Variants in FRMD4A observed in about 807,000 individuals in gnomAD.
FRMD4A encodes FERM domain containing 4A.
A neutral mutation model predicts 129.1 loss-of-function variants in FRMD4A; 29 were observed. The ratio of observed to expected loss-of-function variants is 0.22; its 90% CI spans 0.17 to 0.31. The LOEUF (loss-of-function observed/expected upper bound fraction) is 0.31, where lower values mean the gene tolerates loss of function less well. Ranked by LOEUF, FRMD4A falls within the 10% of genes least tolerant of loss-of-function variation. FRMD4A has a pLI of 1.00. For missense variants in FRMD4A, 1,272 were observed against 1,375.8 expected (o/e 0.92, Z 1.19); for synonymous variants, 634 against 571.6 (o/e 1.11, Z -1.56).
At chr10:14,026,155 G>A (rs908707828) in intron 2 of FRMD4A, among the ~76,000 whole-genome samples, 1 of 152,082 alleles carries the variant, frequency 6.6e-6, no homozygotes, top group Non-Finnish European at 1.5e-5. Context: ...GAGATCGAGA[G>A]GGAAATATAA....
At chr10:13,746,502 A>G (rs947981892) in intron 9 of FRMD4A, among the ~76,000 whole-genome samples, 1 of 152,114 alleles carries the variant, frequency 6.6e-6, no homozygotes. Flanking sequence ...CCAGAGTTCA[A>G]TGCTGCTAAT....
chr10:13,723,425 T>C (rs1365442738), intron 12 of FRMD4A, among the ~76,000 whole-genome samples: 1 of 152,206 alleles, frequency 6.6e-6, no homozygotes, highest in African/African-American at 2.4e-5. Context: ...GAAAGTAGAA[T>C]GATGGTTCCC....
intron 2 of FRMD4A, among the ~76,000 whole-genome samples, chr10:14,287,052 T>C (rs757932850): frequency 1.3e-5 from 2 of 152,144 alleles, no homozygotes; most frequent in Non-Finnish European, 2.9e-5. Flanking sequence ...TCTAATAAAA[T>C]TGCAAAGCAG....
At chr10:14,063,736 A>G (rs934967433) in intron 2 of FRMD4A, among the ~76,000 whole-genome samples, 1 of 151,936 alleles carries the variant, frequency 6.6e-6, no homozygotes, top group African/African-American at 2.4e-5. Context: ...AAACCACACA[A>G]TCTTGTACGT....
intron 16 of FRMD4A, among the ~76,000 whole-genome samples, chr10:13,673,821 G>C (rs2083733444): frequency 7.9e-6 from 1 of 127,012 alleles, no homozygotes; most frequent in African/African-American, 3.1e-5. Flanking sequence ...TGTCACCCAA[G>C]CTGGAGTGCA....
chr10:13,740,624 C>T (rs751014722), intron 9 of FRMD4A, 47 bp from the exon 10 acceptor site: 2 of 957,266 alleles, frequency 2.1e-6, no homozygotes, highest in Non-Finnish European at 3.3e-6. Flanking sequence ...TCTAGGTCAA[C>T]AGCCAAGCTT....
intron 2 of FRMD4A, chr10:13,971,887 A>G: frequency 7.8e-7 from 1 of 1,282,598 alleles, no homozygotes; most frequent in Non-Finnish European, 1.0e-6. Flanking sequence ...TGCCAATGTC[A>G]GTAAGATTTA....
At chr10:13,691,026 C>T (rs1185519108) in intron 15 of FRMD4A, among the ~76,000 whole-genome samples, 4 of 152,278 alleles carry the variant, frequency 2.6e-5, no homozygotes, top group South Asian at 2.1e-4. Flanking sequence ...CTCACTCTGC[C>T]GCTCAGGCTG....
intron 2 of FRMD4A, among the ~76,000 whole-genome samples, chr10:13,922,891 T>A (rs1012990438): frequency 3.3e-5 from 5 of 152,180 alleles, no homozygotes; most frequent in African/African-American, 1.2e-4. Flanking sequence ...TTGTCTGCAA[T>A]AAATAGACTG....
At chr10:14,186,780 C>T (rs772565401) in intron 2 of FRMD4A, among the ~76,000 whole-genome samples, 20 of 152,100 alleles carry the variant, frequency 1.3e-4, no homozygotes, top group Non-Finnish European at 2.2e-4. Context: ...AAGATCATAG[C>T]TTTGACTGTT....
intron 2 of FRMD4A, among the ~76,000 whole-genome samples, chr10:13,884,186 A>ACACTCACACG (rs1332081638): frequency 9.1e-6 from 1 of 109,598 alleles, no homozygotes; most frequent in African/African-American, 3.6e-5. Flanking sequence ...TCACACACAC[A>ACACTCACACG]CACACACACT....
At chr10:13,905,913 A>G (rs1173858683) in intron 2 of FRMD4A, among the ~76,000 whole-genome samples, 1 of 152,216 alleles carries the variant, frequency 6.6e-6, no homozygotes, top group Non-Finnish European at 1.5e-5. Flanking sequence ...ACCTTGAGGA[A>G]AGAATTGGAA....
intron 15 of FRMD4A, chr10:13,685,184 G>A (rs1033876243): frequency 1.1e-5 from 11 of 984,794 alleles, no homozygotes; most frequent in Non-Finnish European, 1.3e-5. Flanking sequence ...CTTTTCATCA[G>A]GCTTAGAAAT....
chr10:13,796,218 C>A (rs1235781280), intron 5 of FRMD4A, among the ~76,000 whole-genome samples: 2 of 152,178 alleles, frequency 1.3e-5, no homozygotes, highest in Non-Finnish European at 2.9e-5. Flanking sequence ...AGATATGTGA[C>A]CCTCCCCAAA....
intron 2 of FRMD4A, among the ~76,000 whole-genome samples, chr10:13,905,272 T>C (rs1287051313): frequency 6.6e-6 from 1 of 152,190 alleles, no homozygotes; most frequent in African/African-American, 2.4e-5. Flanking sequence ...GATCTTGAAA[T>C]AGACATGCTT....
Position 14,281,967 on chromosome 10 carries a change from A to G in FRMD4A, c.45+48091T>C, listed in dbSNP as rs145109143. Among the ~76,000 whole-genome samples the G allele has an allele frequency of 1.6e-4, 25 of 152,316 alleles. No homozygotes were observed. The East Asian group carries it at 4.0e-3, about 25-fold the overall frequency. Reference sequence around the variant, plus strand: ...TTGGGTGATTTATAAAGAAAAAGAGATTTAATGGACTCACAGTTACACGTG... The same window carrying G: ...TTGGGTGATTTATAAAGAAAAAGAGGTTTAATGGACTCACAGTTACACGTG... On this transcript the variant is annotated intron_variant, in intron 2 of 24. Transcript: ENST00000357447.
intron 3 of FRMD4A, among the ~76,000 whole-genome samples, chr10:13,829,430 C>T (rs2093756037): frequency 6.6e-6 from 1 of 152,054 alleles, no homozygotes; most frequent in Non-Finnish European, 1.5e-5. Flanking sequence ...TTTGAGGCTG[C>T]TGTGAGCCAT....
chr10:14,296,766 AG>A (rs1846022649), intron 2 of FRMD4A, among the ~76,000 whole-genome samples: 1 of 152,138 alleles, frequency 6.6e-6, no homozygotes, highest in Non-Finnish European at 1.5e-5. Flanking sequence ...TCTCCACCAT[AG>A]GATCCTCATT....
intron 15 of FRMD4A, among the ~76,000 whole-genome samples, chr10:13,691,977 T>A (rs1342919208): frequency 6.6e-6 from 1 of 152,108 alleles, no homozygotes; most frequent in African/African-American, 2.4e-5. Context: ...GCAGTCTTCA[T>A]GGCCAACTCC....
Sources: gnomAD v4.1 joint callset for allele counts (sites outside exome capture counted in the v4.1 genomes callset) on GRCh38, gnomAD v4.1.1 for gene constraint, MANE v1.5 for transcripts, NCBI Gene and HGNC (gene_info 2026-07-23, HGNC 2026-07-21) for gene names.